The following MYO1H variants were observed in gnomAD, a reference collection of about 807,000 sequenced individuals.
The protein encoded by MYO1H is myosin IH, also known as unconventional myosin-Ih.
In MYO1H, 118 loss-of-function variants were observed where a neutral mutation model predicts 149.3. The observed-to-expected ratio is 0.79, with a 90% confidence interval of 0.68 to 0.92. The LOEUF (loss-of-function observed/expected upper bound fraction) is 0.92. Ranked by LOEUF, MYO1H falls within the 40% of genes least tolerant of loss-of-function variation. MYO1H has a pLI of 0.00. For missense variants in MYO1H, 1,212 were observed against 1,280.7 expected, an observed-to-expected ratio of 0.95 and a Z score of 0.82; for synonymous variants, 447 against 465.2, an observed-to-expected ratio of 0.96 and a Z score of 0.50.
At chr12:109,418,541 G>GGTTTTGTTTT (rs564993593) in intron 15 of MYO1H, among the ~76,000 whole-genome samples, 1 of 151,264 alleles carries the variant, frequency 6.6e-6, no homozygotes, top group South Asian at 2.1e-4. Flanking sequence ...GTAGAGACAG[G>GGTTTTGTTTT]GTTTTGTTTT....
intron 1 of MYO1H, among the ~76,000 whole-genome samples, chr12:109,381,531 G>A (rs930076833): frequency 3.9e-5 from 6 of 152,206 alleles, no homozygotes; most frequent in Non-Finnish European, 5.9e-5. Context: ...TTGGCTGGGC[G>A]CAGTGGCTCA....
exon 29 of MYO1H, chr12:109,444,265 A>G (rs752275423): frequency 3.1e-6 from 5 of 1,613,900 alleles, no homozygotes; most frequent in Admixed American, 1.7e-5. Context: ...ATGTTTCACC[A>G]GAGGACAGCA....
At chr12:109,389,105 G>A (rs920224) in intron 2 of MYO1H, among the ~76,000 whole-genome samples, 8,906 of 152,134 alleles carry the variant, frequency 0.059, 853 homozygotes, top group African/African-American at 0.2. Flanking sequence ...CTAGATCTAG[G>A]GTTTCAGACA....
chr12:109,331,110 C>T, the MYO1H span, among the ~76,000 whole-genome samples: 2 of 152,140 alleles, frequency 1.3e-5, no homozygotes, highest in African/African-American at 4.8e-5. Flanking sequence ...GTAGAGCAGG[C>T]AATCCTTCAC....
intron 1 of MYO1H, among the ~76,000 whole-genome samples, chr12:109,360,724 A>G (rs1868726467): frequency 6.6e-6 from 1 of 152,212 alleles, no homozygotes; most frequent in East Asian, 1.9e-4. Context: ...CCATAAAGAA[A>G]AAAACAAATG....
intron 4 of MYO1H, 96 bp from the exon 5 acceptor site, chr12:109,397,635 CT>C (rs1869970084): frequency 2.2e-6 from 2 of 911,540 alleles, no homozygotes; most frequent in Admixed American, 6.1e-5. Flanking sequence ...CTTCCGCTCT[CT>C]CTCCTCCATT....
At chr12:109,317,224 C>T in the MYO1H span, among the ~76,000 whole-genome samples, 7 of 152,328 alleles carry the variant, frequency 4.6e-5, no homozygotes, top group Admixed American at 2.6e-4. Context: ...AAATGGCACA[C>T]TTATACGCAC....
chr12:109,360,958 C>A (rs1263005174), intron 1 of MYO1H, among the ~76,000 whole-genome samples: 1 of 152,212 alleles, frequency 6.6e-6, no homozygotes, highest in Non-Finnish European at 1.5e-5. Context: ...TCAAGTTGTT[C>A]TCTTTTCCTT....
intron 2 of MYO1H, among the ~76,000 whole-genome samples, chr12:109,391,616 C>T (rs1283425384): frequency 6.6e-6 from 1 of 152,178 alleles, no homozygotes; most frequent in Non-Finnish European, 1.5e-5. Flanking sequence ...ATTTCTGCCT[C>T]TAGATCTTTG....
At chr12:109,444,369 T>C in intron 29 of MYO1H, 63 bp from the exon 30 acceptor site, 2 of 1,567,040 alleles carry the variant, frequency 1.3e-6, no homozygotes, top group Non-Finnish European at 1.8e-6. Context: ...ACTTCTCTAT[T>C]GGAGTGTCTG....
At chr12:109,420,846 A>G in intron 15 of MYO1H, 135 bp from the exon 16 acceptor site, 2 of 671,220 alleles carry the variant, frequency 3.0e-6, no homozygotes, top group Non-Finnish European at 5.4e-6. Context: ...AAATACCCAT[A>G]GTGCCAAGGT....
exon 32 of MYO1H, chr12:109,448,222 T>G (rs1490416918): frequency 6.6e-6 from 1 of 152,236 alleles, no homozygotes; most frequent in Non-Finnish European, 1.5e-5. Context: ...TAACTCTTGT[T>G]TACATCCATT....
At chr12:109,327,412 C>T in the MYO1H span, among the ~76,000 whole-genome samples, 4 of 151,514 alleles carry the variant, frequency 2.6e-5, no homozygotes, top group South Asian at 2.1e-4. Flanking sequence ...GGATTACAGG[C>T]GTGAGCCACC....
At chr12:109,446,418 G>A in intron 31 of MYO1H, 1 of 985,378 alleles carries the variant, frequency 1.0e-6, no homozygotes, top group Non-Finnish European at 1.2e-6. Context: ...AAAATGGTCT[G>A]TGAACATGGA....
rs369882254 is a variant in MYO1H, at chr12:109,443,552, C to G, written c.2727C>G (p.Phe909Leu). 8.1e-6 allele frequency: 13 copies of G among 1,613,642 alleles called. No homozygotes were observed. The African/African-American group carries it at 1.1e-4, about 13-fold the overall frequency. Residue 909 changes from phenylalanine (F) to leucine (L), a missense_variant, in exon 28 of 32, where the codon TTC (phenylalanine) becomes TTG (leucine). Transcript: ENST00000310903. ...TCATTAAATATGACAGAAAAGGCTT[C>G]AAAGCACGGCAGCGGCAACTCATTC...
chr12:109,353,278 C>T (rs1359872807), intron 1 of MYO1H, among the ~76,000 whole-genome samples: 2 of 151,132 alleles, frequency 1.3e-5, no homozygotes, highest in South Asian at 4.2e-4. Flanking sequence ...CCTGTAATCC[C>T]AGCTACTCAG....
chr12:109,354,130 C>T (rs1233892195), intron 1 of MYO1H: 1 of 152,122 alleles, frequency 6.6e-6, no homozygotes, highest in East Asian at 1.9e-4. Flanking sequence ...TATTTTTCAT[C>T]CCCATCTGTC....
chr12:109,358,768 C>T (rs1468663775), intron 1 of MYO1H, among the ~76,000 whole-genome samples: 1 of 131,614 alleles, frequency 7.6e-6, no homozygotes, highest in African/African-American at 2.9e-5. Flanking sequence ...TGATTAGTTA[C>T]ATCAGATAAT....
chr12:109,355,288 A>G (rs1868563830), intron 1 of MYO1H, among the ~76,000 whole-genome samples: 1 of 152,158 alleles, frequency 6.6e-6, no homozygotes. Flanking sequence ...AATCTTCCTT[A>G]ACTTAATCTT....
Sources: allele counts gnomAD v4.1 joint callset (sites outside exome capture counted in the v4.1 genomes callset), GRCh38; gene constraint gnomAD v4.1.1; transcripts MANE v1.5; gene names NCBI Gene and HGNC (gene_info 2026-07-23, HGNC 2026-07-21).